Variants in CCT4 observed in about 807,000 individuals in gnomAD.
CCT4 encodes chaperonin containing TCP1 subunit 4.
In CCT4, 17 loss-of-function variants were observed where a neutral mutation model predicts 62.5. The ratio of observed to expected loss-of-function variants is 0.27; its 90% CI spans 0.19 to 0.41. The LOEUF is 0.41. Ranked by LOEUF, CCT4 falls within the 10% of genes least tolerant of loss-of-function variation. The pLI is 1.00. For synonymous variants in CCT4, 250 were observed against 229.9 expected, an observed-to-expected ratio of 1.09 and a Z score of -0.79; for missense variants, 592 against 659.2, an observed-to-expected ratio of 0.90 and a Z score of 1.12.
At position 61,872,556 on chromosome 2, in the gene CCT4, A is replaced by C. The variant is rs369855024; in HGVS notation, c.1158T>G (p.Val386=). The part of the protein sequence containing the change: ...ITGCASPGKT[V]TIVVRGSNKL... ...TGTTAGAACCACGAACAACAATTGTAACTGTTTTTCCAGGGCTGGCACAGC... is the reference window on the plus strand; with the variant it reads ...TGTTAGAACCACGAACAACAATTGTCACTGTTTTTCCAGGGCTGGCACAGC... The change falls in exon 11 of 14, where the codon GTT becomes GTG. Residue 386 remains valine (V), a synonymous_variant. Transcript: ENST00000394440. 4 of 1,613,992 alleles carry C rather than the reference A, an allele frequency of 2.5e-6. No individual in the cohort carries two copies. Among genetic ancestry groups the C allele is most frequent in the Non-Finnish European group, 2.5e-6 (3 of 1,179,930 alleles).
Position 61,878,851 on chromosome 2 carries a change from C to T in CCT4, c.522+18G>A, listed in dbSNP as rs78442748. On this transcript the variant is annotated intron_variant, in intron 5 of 13. Coordinates refer to ENST00000394440, the MANE Select transcript of CCT4 (RefSeq NM_006430.4). ...ACTTTTAACTAATTTGACAAGTATC[C>T]GTTAGTGTTTGTCTCACCTTTGAGT... is the stretch of plus-strand genomic sequence containing the variant. 0.057 allele frequency: 89,598 copies of T among 1,578,430 alleles called. 2,996 individuals carry two copies. The highest frequency in any genetic ancestry group is 0.08 in the Middle Eastern group (476 of 5,952).
At chr2:61,884,150 A>G (rs1056254484) in intron 2 of CCT4, among the ~76,000 whole-genome samples, 7 of 152,242 alleles carry the variant, frequency 4.6e-5, no homozygotes, top group African/African-American at 1.7e-4. Flanking sequence ...ACCTGGATTT[A>G]TAATAGTTTC....
intron 12 of CCT4, 52 bp from the exon 13 acceptor site, chr2:61,869,605 C>T: frequency 1.0e-6 from 1 of 960,966 alleles, no homozygotes; most frequent in Admixed American, 1.7e-5. Flanking sequence ...TAATACACAT[C>T]AGCAGCCACG....
intron 12 of CCT4, 147 bp downstream of exon 12, chr2:61,871,935 G>A: frequency 1.7e-6 from 1 of 595,814 alleles, no homozygotes. Context: ...TCACTCAATG[G>A]CATAGATTAA....
At chr2:61,883,298 G>A (rs925690431) in intron 3 of CCT4, among the ~76,000 whole-genome samples, 161 bp downstream of exon 3, 1 of 151,712 alleles carries the variant, frequency 6.6e-6, no homozygotes, top group African/African-American at 2.4e-5. Flanking sequence ...GCACGAGCCT[G>A]TAATCCCAGC....
At chr2:61,879,550 T>G (rs1156526516) in intron 4 of CCT4, among the ~76,000 whole-genome samples, 3 of 151,442 alleles carry the variant, frequency 2.0e-5, no homozygotes, top group African/African-American at 7.3e-5. Context: ...AGTGCTGGGA[T>G]TACAAGTATG....
At chr2:61,883,839 G>A (rs1331156287) in intron 2 of CCT4, among the ~76,000 whole-genome samples, 1 of 148,346 alleles carries the variant, frequency 6.7e-6, no homozygotes, top group Non-Finnish European at 1.5e-5. Flanking sequence ...TTATAAAGAA[G>A]CACTTGCTAT....
intron 7 of CCT4, among the ~76,000 whole-genome samples, chr2:61,876,489 A>C (rs1669004788): frequency 6.6e-6 from 1 of 152,174 alleles, no homozygotes; most frequent in Admixed American, 6.6e-5. Context: ...TAAAATGGTT[A>C]CCCTAGTTGT....
chr2:61,880,310 A>T lies in CCT4; in HGVS notation c.355T>A (p.Ser119Thr). ...VVIIAGSLLD[S>T]CTKLLQKGIH... is the part of the protein sequence containing the mutation. ...CCTTTCTGAAGAAGCTTGGTACAAGAATCTAAGAGGGAGCCAGCAATGATG... is the reference window on the plus strand; with the variant it reads ...CCTTTCTGAAGAAGCTTGGTACAAGTATCTAAGAGGGAGCCAGCAATGATG... The change falls in exon 4 of 14, where the codon TCT becomes ACT. Residue 119 changes from serine (S) to threonine (T), a missense_variant. By Grantham distance (58) the Ser-to-Thr change is moderately conservative. Around this residue, in one of 3 missense-constraint regions of CCT4, gnomAD observed 522 missense variants for 571.2 expected, o/e 0.91. Coordinates refer to ENST00000394440, the MANE Select transcript of CCT4 (RefSeq NM_006430.4). The T allele has an allele frequency of 6.3e-7, 1 of 1,594,338 alleles. No individual in the cohort carries two copies. The highest frequency in any genetic ancestry group is 8.5e-7 in the Non-Finnish European group (1 of 1,170,230).
At chr2:61,883,975 C>T (rs1669179560) in intron 2 of CCT4, among the ~76,000 whole-genome samples, 1 of 152,092 alleles carries the variant, frequency 6.6e-6, no homozygotes, top group East Asian at 1.9e-4. Flanking sequence ...TTTTGTCCTA[C>T]AAAAAGGACA....
intron 8 of CCT4, among the ~76,000 whole-genome samples, chr2:61,874,670 T>C (rs1172129420): frequency 6.6e-6 from 1 of 151,918 alleles, no homozygotes; most frequent in African/African-American, 2.4e-5. Flanking sequence ...TCTTTTCATC[T>C]ATGGACTATG....
At chr2:61,881,404 G>A (rs1036193364) in intron 3 of CCT4, among the ~76,000 whole-genome samples, 2 of 151,984 alleles carry the variant, frequency 1.3e-5, no homozygotes, top group African/African-American at 2.4e-5. Context: ...TTACAGGCAC[G>A]AGCCACTGCG....
intron 8 of CCT4, 38 bp from the exon 9 acceptor site, chr2:61,873,331 T>A: frequency 1.7e-6 from 2 of 1,152,984 alleles, no homozygotes; most frequent in Admixed American, 2.1e-5. Context: ...AATGCTAGAT[T>A]AAAAAAATTT....
intron 3 of CCT4, among the ~76,000 whole-genome samples, chr2:61,880,760 T>C (rs544283152): frequency 2.6e-5 from 4 of 152,222 alleles, no homozygotes; most frequent in South Asian, 4.1e-4. Context: ...GACTGGAGTA[T>C]AGCAGTGCAA....
chr2:61,877,271 G>T, intron 6 of CCT4, 122 bp downstream of exon 6: 2 of 1,117,742 alleles, frequency 1.8e-6, no homozygotes, highest in South Asian at 1.6e-5. Flanking sequence ...AAATTCTCAC[G>T]AAAACAAAAC....
chr2:61,868,947 C>T, intron 13 of CCT4: 1 of 430,968 alleles, frequency 2.3e-6, no homozygotes, highest in Non-Finnish European at 4.3e-6. Context: ...CCAGCCTGAC[C>T]AACATGGTGA....
At chr2:61,879,631 T>C (rs1439590573) in intron 4 of CCT4, among the ~76,000 whole-genome samples, 1 of 152,082 alleles carries the variant, frequency 6.6e-6, no homozygotes, top group Non-Finnish European at 1.5e-5. Context: ...AGTGATTGGA[T>C]AGTCACTACT....
chr2:61,869,465 C>T lies in CCT4; in HGVS notation c.1580G>A (p.Arg527Gln), dbSNP rs756645658. The T allele has an allele frequency of 4.6e-5, 74 of 1,608,004 alleles. 2 individuals carry two copies. In the South Asian group the frequency reaches 5.3e-4, roughly 11 times the overall value. Residue 527 changes from arginine (R) to glutamine (Q), a missense_variant, in exon 13 of 14, where the codon CGG (arginine) becomes CAG (glutamine). This residue lies in a region of CCT4 where 522 missense variants were observed against 571.2 expected (regional missense o/e 0.91). Transcript: ENST00000394440. ...CACATCATCTATTTTCAGAATGCTC[C>T]GAACAGTTTCAGTTGCAAGAGTCAG... ...SALTLATETV[R>Q]SILKIDDVVN...
chr2:61,880,527 T>C lies in CCT4; in HGVS notation c.271-133A>G, dbSNP rs982855785. 4.9e-5 allele frequency: 31 copies of C among 631,788 alleles called. No individual in the cohort carries two copies. In the East Asian group the frequency reaches 8.9e-4, roughly 18 times the overall value. 39.1% of individuals were successfully genotyped at this position (631,788 alleles called of 1,614,324 possible). On this transcript the variant is annotated intron_variant, in intron 3 of 13. Transcript: ENST00000394440. ...ATGATTCCTGATTTCTTCTGATTTG[T>C]TGTCTACCTTGGGTTTCATTTAAAA...
Sources: gnomAD v4.1 joint callset for allele counts (sites outside exome capture counted in the v4.1 genomes callset) on GRCh38, gnomAD v4.1.1 for gene constraint, gnomAD v4.1.1 regional missense constraint, MANE v1.5 for transcripts, NCBI Gene and HGNC (gene_info 2026-07-23, HGNC 2026-07-21) for gene names.